Variants in FAM13A observed in about 807,000 individuals in gnomAD.
FAM13A encodes the protein protein FAM13A.
Under a neutral mutation model 129.6 loss-of-function variants are expected in FAM13A, and 76 were observed. That is an observed-to-expected ratio of 0.59 (90% CI 0.49 to 0.71). The LOEUF (loss-of-function observed/expected upper bound fraction) is 0.71. FAM13A is among the 30% of genes least tolerant of loss of function. The pLI, the probability that FAM13A is intolerant of heterozygous loss-of-function variation, is 0.00. For missense variants in FAM13A, 1,108 were observed against 1,249.3 expected, an observed-to-expected ratio of 0.89 and a Z score of 1.70; for synonymous variants, 443 against 449.9, an observed-to-expected ratio of 0.98 and a Z score of 0.20.
intron 3 of FAM13A, among the ~76,000 whole-genome samples, chr4:88,992,943 A>C (rs1489122063): frequency 6.6e-6 from 1 of 152,200 alleles, no homozygotes; most frequent in Non-Finnish European, 1.5e-5. Context: ...AAAATGAGGG[A>C]AATGAGATAC....
rs1193238213 is a variant in FAM13A at position 88,726,355 on chromosome 4, A to T, written c.*2178T>A. On this transcript the variant is annotated 3_prime_UTR_variant, in exon 24 of 24. Transcript: ENST00000264344. ...AAGGAAAACACAACATCTCATACAC[A>T]ATTTATTTTATATAACTTACTTGGT... The T allele has an allele frequency of 2.0e-5, 3 of 147,572 alleles. No homozygotes were observed. In the East Asian group the frequency reaches 5.8e-4, roughly 28 times the overall value. 9.1% of individuals were successfully genotyped at this position (147,572 alleles called of 1,614,324 possible).
intron 8 of FAM13A, among the ~76,000 whole-genome samples, chr4:88,793,807 T>A (rs1725646802): frequency 6.6e-6 from 1 of 152,048 alleles, no homozygotes; most frequent in South Asian, 2.1e-4. Context: ...TATGACATAG[T>A]ATCAGATACA....
intron 1 of FAM13A, among the ~76,000 whole-genome samples, chr4:89,054,932 TA>T (rs1274594722): frequency 6.6e-6 from 1 of 152,146 alleles, no homozygotes; most frequent in Non-Finnish European, 1.5e-5. Flanking sequence ...ACTACCTCTC[TA>T]AAATTACCTG....
intron 7 of FAM13A, among the ~76,000 whole-genome samples, chr4:88,806,194 G>A (rs1728523414): frequency 1.3e-5 from 2 of 151,958 alleles, no homozygotes; most frequent in Admixed American, 1.3e-4. Context: ...ACTATATTAT[G>A]TACATCATTA....
At chr4:88,818,615 A>C (rs185466846) in intron 7 of FAM13A, among the ~76,000 whole-genome samples, 33 of 152,312 alleles carry the variant, frequency 2.2e-4, no homozygotes, top group Admixed American at 2.0e-3. Context: ...TCATGTGAGA[A>C]CAGAGCCCAC....
intron 5 of FAM13A, among the ~76,000 whole-genome samples, chr4:88,909,197 G>A (rs1319223818): frequency 6.6e-6 from 1 of 152,106 alleles, no homozygotes; most frequent in African/African-American, 2.4e-5. Flanking sequence ...CAATCCAAAT[G>A]CCCATTAATT....
intron 5 of FAM13A, among the ~76,000 whole-genome samples, chr4:88,931,323 G>C (rs2148780254): frequency 6.6e-6 from 1 of 152,286 alleles, no homozygotes; most frequent in Non-Finnish European, 1.5e-5. Flanking sequence ...GGAGCTCCAT[G>C]TGTCAGGGTA....
chr4:88,852,532 G>C (rs185658495), intron 6 of FAM13A, among the ~76,000 whole-genome samples: 1 of 152,172 alleles, frequency 6.6e-6, no homozygotes, highest in Non-Finnish European at 1.5e-5. Flanking sequence ...GTCTACCCTT[G>C]ATTACACATT....
intron 6 of FAM13A, among the ~76,000 whole-genome samples, chr4:88,897,162 G>A (rs1561279791): frequency 1.3e-5 from 2 of 152,134 alleles, no homozygotes; most frequent in Admixed American, 6.5e-5. Context: ...ACTATACTAC[G>A]TTACAAGGAC....
intron 1 of FAM13A, among the ~76,000 whole-genome samples, chr4:89,052,179 T>G (rs1207350301): frequency 6.6e-6 from 1 of 152,000 alleles, no homozygotes; most frequent in Non-Finnish European, 1.5e-5. Flanking sequence ...GGAGTCACAA[T>G]GGGGCAGCTA....
At chr4:88,942,566 C>CA (rs1207395763) in intron 4 of FAM13A, among the ~76,000 whole-genome samples, 1 of 146,398 alleles carries the variant, frequency 6.8e-6, no homozygotes, top group East Asian at 2.0e-4. Context: ...GACTCCATCT[C>CA]AAAAAATAAA....
intron 14 of FAM13A, among the ~76,000 whole-genome samples, chr4:88,751,142 T>G (rs2149476375): frequency 6.6e-6 from 1 of 152,266 alleles, no homozygotes; most frequent in Admixed American, 6.5e-5. Flanking sequence ...CTGGGGAGGC[T>G]GAGGCACGAG....
At chr4:88,806,052 T>C (rs972030558) in intron 7 of FAM13A, among the ~76,000 whole-genome samples, 1 of 152,156 alleles carries the variant, frequency 6.6e-6, no homozygotes, top group African/African-American at 2.4e-5. Flanking sequence ...TAATAAATGA[T>C]CTCAAAGTAT....
chr4:88,997,161 T>C (rs7659904), intron 3 of FAM13A, among the ~76,000 whole-genome samples: 121,142 of 152,166 alleles, frequency 0.8, 48,453 homozygotes, highest in African/African-American at 0.86. Flanking sequence ...TGTATTAACA[T>C]ATGTTAACTG....
At chr4:89,011,950 A>AT (rs1312549174) in intron 3 of FAM13A, among the ~76,000 whole-genome samples, 1 of 152,104 alleles carries the variant, frequency 6.6e-6, no homozygotes, top group Non-Finnish European at 1.5e-5. Context: ...AAGATGTTTA[A>AT]TTTTTCATTT....
intron 19 of FAM13A, among the ~76,000 whole-genome samples, chr4:88,745,466 G>A (rs1236283836): frequency 1.3e-5 from 2 of 152,166 alleles, no homozygotes; most frequent in Non-Finnish European, 2.9e-5. Context: ...GCTCTTAAGG[G>A]CCTTGGGCAT....
intron 5 of FAM13A, among the ~76,000 whole-genome samples, chr4:88,922,138 T>A (rs1175719665): frequency 3.9e-5 from 6 of 152,066 alleles, no homozygotes; most frequent in African/African-American, 1.5e-4. Flanking sequence ...ATTAGACAGA[T>A]CAATGAGACA....
chr4:88,803,285 A>C (rs1338909073), intron 8 of FAM13A, among the ~76,000 whole-genome samples: 2 of 152,130 alleles, frequency 1.3e-5, no homozygotes, highest in African/African-American at 2.4e-5. Context: ...TTCTACCATA[A>C]ACGTGGGCCA....
At chr4:88,961,800 T>C (rs1010119150) in intron 4 of FAM13A, among the ~76,000 whole-genome samples, 3 of 152,194 alleles carry the variant, frequency 2.0e-5, no homozygotes, top group African/African-American at 7.2e-5. Context: ...GTTTTGGGAT[T>C]CAGTTCATGT....
Sources: allele counts gnomAD v4.1 joint callset (sites outside exome capture counted in the v4.1 genomes callset), GRCh38; gene constraint gnomAD v4.1.1; transcripts MANE v1.5; gene names NCBI Gene and HGNC (gene_info 2026-07-23, HGNC 2026-07-21).